KIF5B: variants seen among roughly 807,000 people sequenced by gnomAD.
KIF5B encodes kinesin family member 5B.
A neutral mutation model predicts 132.8 loss-of-function variants in KIF5B; 49 were observed. The ratio of observed to expected loss-of-function variants is 0.37; its 90% CI spans 0.29 to 0.47. KIF5B has a LOEUF of 0.47. Among genes scored for constraint, KIF5B ranks in the 20% least tolerant of loss-of-function variants. The pLI, the probability that KIF5B is intolerant of heterozygous loss-of-function variation, is 1.00. For synonymous variants in KIF5B, 355 were observed against 369.4 expected (o/e 0.96, Z 0.45); for missense variants, 780 against 1,144.0 (o/e 0.68, Z 4.59).
intron 25 of KIF5B, among the ~76,000 whole-genome samples, chr10:32,012,076 C>G (rs1841090759): frequency 6.6e-6 from 1 of 152,138 alleles, no homozygotes; most frequent in Non-Finnish European, 1.5e-5. Flanking sequence ...CTATGCAAGG[C>G]AGAAGACTAG....
intron 2 of KIF5B, among the ~76,000 whole-genome samples, chr10:32,046,168 C>T (rs567453227): frequency 3.3e-5 from 5 of 152,118 alleles, no homozygotes; most frequent in South Asian, 2.1e-4. Context: ...TTAAAGCTGG[C>T]GGCAAGAGAT....
chr10:32,030,332 C>G (rs1194127794), intron 14 of KIF5B, among the ~76,000 whole-genome samples: 1 of 152,004 alleles, frequency 6.6e-6, no homozygotes, highest in Admixed American at 6.6e-5. Context: ...GCCTGGCCAA[C>G]ATGGTGAAAC....
Position 32,011,409 on chromosome 10 carries a change from A to AT in KIF5B, c.*127dup, listed in dbSNP as rs139136383. 0.016 allele frequency: 2,490 copies of AT among 152,592 alleles called. 24 individuals carry two copies. Among genetic ancestry groups the AT allele is most frequent in the South Asian group, 0.029 (141 of 4,818 alleles). 9.5% of individuals were successfully genotyped at this position (152,592 alleles called of 1,614,324 possible). A position where few individuals can be genotyped will look rare whatever the true frequency, so the allele number is the denominator to read the frequency against. ...TGTACAGGCCAGGTATAATTTATAC[A>AT]TTTTTTTTAAAAGTTATAATTCTAC... On this transcript the variant is annotated 3_prime_UTR_variant, in exon 26 of 26. Coordinates refer to ENST00000302418, the MANE Select transcript of KIF5B (RefSeq NM_004521.3).
chr10:32,037,736 G>A (rs1262661110), intron 6 of KIF5B, 129 bp from the exon 7 acceptor site: 23 of 654,242 alleles, frequency 3.5e-5, no homozygotes, highest in African/African-American at 3.6e-5. Flanking sequence ...GGGAGGCTGA[G>A]GCAGGAGAAT....
chr10:32,038,487 A>C (rs1367027346), intron 5 of KIF5B, among the ~76,000 whole-genome samples: 1 of 152,208 alleles, frequency 6.6e-6, no homozygotes, highest in Non-Finnish European at 1.5e-5. Flanking sequence ...TGATTTGCCT[A>C]AGGACAATGT....
At position 32,055,837 on chromosome 10, in the gene KIF5B, G is replaced by A. The variant is rs1429063243; in HGVS notation, c.126+11C>T. On this transcript the variant is annotated intron_variant, in intron 1 of 25. Coordinates refer to ENST00000302418, the MANE Select transcript of KIF5B (RefSeq NM_004521.3). ...GAAGCGGGAGGAGGGATGCCGGCGG[G>A]GGTCACTCACCGCGATCACGACCGT... 7 of 1,610,852 alleles carry A rather than the reference G, an allele frequency of 4.3e-6. No homozygotes were observed. In the African/African-American group the frequency reaches 5.3e-5, roughly 12 times the overall value.
chr10:32,045,893 G>A (rs1841601587), intron 2 of KIF5B, among the ~76,000 whole-genome samples: 1 of 152,156 alleles, frequency 6.6e-6, no homozygotes, highest in African/African-American at 2.4e-5. Flanking sequence ...CCCAAACAGT[G>A]TGATTGAAAT....
At chr10:32,014,567 GAGAT>G (rs1841132752) in intron 25 of KIF5B, among the ~76,000 whole-genome samples, 1 of 151,084 alleles carries the variant, frequency 6.6e-6, no homozygotes. Flanking sequence ...GAGAGAGAGA[GAGAT>G]AGTATATTGT....
chr10:32,029,512 A>G (rs1841374039), intron 14 of KIF5B, among the ~76,000 whole-genome samples: 1 of 152,146 alleles, frequency 6.6e-6, no homozygotes, highest in Non-Finnish European at 1.5e-5. Flanking sequence ...TAAGTTTCTG[A>G]GTATCAGTAG....
chr10:32,019,086 C>T (rs1468013571), intron 20 of KIF5B, among the ~76,000 whole-genome samples: 1 of 151,970 alleles, frequency 6.6e-6, no homozygotes, highest in Non-Finnish European at 1.5e-5. Flanking sequence ...TAAAATGTGG[C>T]AGAATTCAAA....
Position 32,011,439 on chromosome 10 carries a change from C to G in KIF5B, c.*98G>C, listed in dbSNP as rs1452578246. The G allele has an allele frequency of 1.3e-5, 2 of 152,200 alleles. No individual in the cohort carries two copies. Among genetic ancestry groups the G allele is most frequent in the Non-Finnish European group, 2.9e-5 (2 of 67,970 alleles). 9.4% of individuals were successfully genotyped at this position (152,200 alleles called of 1,614,324 possible). On this transcript the variant is annotated 3_prime_UTR_variant, in exon 26 of 26. Coordinates refer to ENST00000302418, the MANE Select transcript of KIF5B (RefSeq NM_004521.3). The stretch of plus-strand genomic sequence containing the variant: ...TTTTAAAAGTTATAATTCTACAATC[C>G]CAAGGGAGTAGAGGTTATAGTCATT...
At chr10:32,051,709 T>C (rs1841697410) in intron 1 of KIF5B, among the ~76,000 whole-genome samples, 1 of 152,216 alleles carries the variant, frequency 6.6e-6, no homozygotes, top group African/African-American at 2.4e-5. Flanking sequence ...CAAATGATGA[T>C]TTTGTAATAC....
At position 32,011,399 on chromosome 10, in the gene KIF5B, T is replaced by C. The variant is rs1374553570; in HGVS notation, c.*138A>G. The C allele has an allele frequency of 1.3e-5, 2 of 152,662 alleles. No individual in the cohort carries two copies. The highest frequency in any genetic ancestry group is 4.8e-5 in the African/African-American group (2 of 41,562). The allele number at this position is 152,662 out of a possible 1,614,324, so 9.5% of individuals were successfully genotyped here. On this transcript the variant is annotated 3_prime_UTR_variant, in exon 26 of 26. Transcript: ENST00000302418. ...AGGAAACAGCTGTACAGGCCAGGTA[T>C]AATTTATACATTTTTTTTAAAAGTT...
Position 32,056,066 on chromosome 10 carries a change from G to C in KIF5B, c.-93C>G, listed in dbSNP as rs1007467173. On this transcript the variant is annotated 5_prime_UTR_variant, in exon 1 of 26. Coordinates refer to ENST00000302418, the MANE Select transcript of KIF5B (RefSeq NM_004521.3). ...GGACCTGAGGGCTTGTGGTCGCGAG[G>C]GCCGTGAGAGGCAGCAGTCAGCTGC... The C allele has an allele frequency of 1.4e-6, 2 of 1,460,658 alleles. No individual in the cohort carries two copies. The highest frequency in any genetic ancestry group is 1.4e-5 in the African/African-American group (1 of 70,534). 90.5% of individuals were successfully genotyped at this position (1,460,658 alleles called of 1,614,324 possible). A position where few individuals can be genotyped will look rare whatever the true frequency, so the allele number is the denominator to read the frequency against.
intron 15 of KIF5B, among the ~76,000 whole-genome samples, chr10:32,026,201 G>A (rs1250775468): frequency 2.6e-5 from 4 of 152,212 alleles, no homozygotes; most frequent in Admixed American, 1.3e-4. Flanking sequence ...CTGGGAGGCC[G>A]AGGTGGGCAG....
chr10:32,037,460 AC>A (rs745572799), intron 7 of KIF5B, 59 bp downstream of exon 7: 667 of 1,585,252 alleles, frequency 4.2e-4, no homozygotes, highest in Non-Finnish European at 4.9e-4. Context: ...ATAATTAATC[AC>A]CTGGATAAGG....
At position 32,055,865 on chromosome 10, in the gene KIF5B, C is replaced by G. The variant is rs1207733303; in HGVS notation, c.109G>C (p.Asp37His). The part of the protein sequence containing the change: ...DKYIAKFQGE[D>H]TVVIASKPYA... ...TCACTCACCGCGATCACGACCGTGT[C>G]TTCTCCCTGAAACTTGGCGATGTAC... The change falls in exon 1 of 26, where the codon GAC becomes CAC. Residue 37 changes from aspartate (D) to histidine (H), a missense_variant. This residue lies in a region of KIF5B where 66 missense variants were observed against 83.4 expected (regional missense o/e 0.79). Coordinates refer to ENST00000302418, the MANE Select transcript of KIF5B (RefSeq NM_004521.3). 6.2e-6 allele frequency: 10 copies of G among 1,612,886 alleles called. No individual in the cohort carries two copies. Among genetic ancestry groups the G allele is most frequent in the Admixed American group, 3.3e-5 (2 of 60,022 alleles).
intron 10 of KIF5B, 59 bp downstream of exon 10, chr10:32,035,463 A>C: frequency 6.8e-7 from 1 of 1,464,408 alleles, no homozygotes; most frequent in Admixed American, 1.9e-5. Context: ...ACATTTTCCT[A>C]CATTTTATAA....
intron 2 of KIF5B, among the ~76,000 whole-genome samples, chr10:32,044,133 C>A (rs1841578175): frequency 6.6e-6 from 1 of 152,206 alleles, no homozygotes; most frequent in South Asian, 2.1e-4. Flanking sequence ...CAAGTCCCAC[C>A]AGCTACTACA....
Sources: gnomAD v4.1 joint callset for allele counts (sites outside exome capture counted in the v4.1 genomes callset) on GRCh38, gnomAD v4.1.1 for gene constraint, gnomAD v4.1.1 regional missense constraint, MANE v1.5 for transcripts, NCBI Gene and HGNC (gene_info 2026-07-23, HGNC 2026-07-21) for gene names.